Variants in MAP2K5 observed in about 807,000 individuals in gnomAD.
MAP2K5 encodes the protein mitogen-activated protein kinase kinase 5.
Under a neutral mutation model 83.1 loss-of-function variants are expected in MAP2K5, and 49 were observed. The observed-to-expected ratio is 0.59, with a 90% confidence interval of 0.47 to 0.75. MAP2K5 has a LOEUF of 0.75. Among genes scored for constraint, MAP2K5 ranks in the 30% least tolerant of loss-of-function variants. The probability of loss-of-function intolerance (pLI) is 0.00; values close to 1 mark genes in which losing one functional copy is unlikely to be tolerated. For missense variants in MAP2K5, 457 were observed against 557.5 expected, an observed-to-expected ratio of 0.82 and a Z score of 1.82; for synonymous variants, 202 against 191.8, an observed-to-expected ratio of 1.05 and a Z score of -0.44.
rs2089668258 is a variant in MAP2K5 at position 67,749,169 on chromosome 15, G to A, written c.1134+568G>A. On this transcript the variant is annotated intron_variant, in intron 19 of 21. Transcript: ENST00000178640. The surrounding 1 kb of genome is among the most constrained non-coding windows in gnomAD (Gnocchi z 4.6). ...ACCTGTATTCTCACATTTTAATTGA[G>A]CTTACTTCTGATCATCCTTATCCAT... is the stretch of plus-strand genomic sequence containing the variant. Among the ~76,000 whole-genome samples, 1 of 152,150 alleles carries A rather than the reference G, an allele frequency of 6.6e-6. No homozygotes were observed. The highest frequency in any genetic ancestry group is 6.5e-5 in the Admixed American group (1 of 15,274).
intron 19 of MAP2K5, among the ~76,000 whole-genome samples, chr15:67,763,734 T>A (rs1044378445): frequency 6.6e-6 from 1 of 152,134 alleles, no homozygotes; most frequent in African/African-American, 2.4e-5. Flanking sequence ...ATAAAGATGC[T>A]ACTCTAAGGC....
chr15:67,573,617 G>T lies in MAP2K5; in HGVS notation c.253-7137G>T, dbSNP rs1315105255. Among the ~76,000 whole-genome samples, 1 of 152,030 alleles carries T rather than the reference G, an allele frequency of 6.6e-6. No homozygotes were observed. Reference sequence around the variant, plus strand: ...TAGAAGCTGGGTAAAATGAGGCTGCGACCTGCTGGGCCGCAGCCCCAGGAA... The same window carrying T: ...TAGAAGCTGGGTAAAATGAGGCTGCTACCTGCTGGGCCGCAGCCCCAGGAA... On this transcript the variant is annotated intron_variant, in intron 3 of 21. Transcript: ENST00000178640. This position sits in a 1 kb window ranked among gnomAD's most constrained non-coding sequence, Gnocchi z 4.2.
In MAP2K5 at chr15:67,717,068, T is replaced by C. The variant is rs2088844078; in HGVS notation, c.1045-10848T>C. Among the ~76,000 whole-genome samples the C allele has an allele frequency of 6.6e-6, 1 of 152,224 alleles. No homozygotes were observed. Among genetic ancestry groups the C allele is most frequent in the African/African-American group, 2.4e-5 (1 of 41,458 alleles). ...GGATTCAAGTCTGCTTCTTCCATTA[T>C]GCTTTAGGAAAGTAGATCAAGTAGT... is the stretch of plus-strand genomic sequence containing the variant. On this transcript the variant is annotated intron_variant, in intron 16 of 21. Transcript: ENST00000178640. This position sits in a 1 kb window ranked among gnomAD's most constrained non-coding sequence, Gnocchi z 4.1.
In MAP2K5 at chr15:67,563,649, G is replaced by A. The variant is rs751754199; in HGVS notation, c.252+299G>A. ...TTTTTTATGCAGTACTTAAAGTAAC[G>A]GCTCATTAAAAATGAACCCCTGGGC... On this transcript the variant is annotated intron_variant, in intron 3 of 21. Coordinates refer to ENST00000178640, the MANE Select transcript of MAP2K5 (RefSeq NM_145160.3). This position sits in a 1 kb window ranked among gnomAD's most constrained non-coding sequence, Gnocchi z 4.5. Among the ~76,000 whole-genome samples the A allele has an allele frequency of 6.6e-6, 1 of 151,634 alleles. No homozygotes were observed. Among genetic ancestry groups the A allele is most frequent in the Non-Finnish European group, 1.5e-5 (1 of 67,920 alleles).
intron 21 of MAP2K5, among the ~76,000 whole-genome samples, chr15:67,796,839 A>G (rs2090613365): frequency 6.6e-6 from 1 of 152,252 alleles, no homozygotes; most frequent in Non-Finnish European, 1.5e-5. Flanking sequence ...TAGGGTGTCC[A>G]GACTGATCTG....
At chr15:67,670,446 G>A (rs1192857849) in intron 13 of MAP2K5, 1 of 455,760 alleles carries the variant, frequency 2.2e-6, no homozygotes, top group South Asian at 1.6e-5. Context: ...CACCTGAAAA[G>A]GGTGAGTGAA....
chr15:67,580,082 C>T (rs1427568298), intron 3 of MAP2K5, among the ~76,000 whole-genome samples: 1 of 152,170 alleles, frequency 6.6e-6, no homozygotes, highest in African/African-American at 2.4e-5. Context: ...GTACCACCTA[C>T]TGAATAATTT....
At chr15:67,557,023 T>A (rs1023122376) in intron 2 of MAP2K5, among the ~76,000 whole-genome samples, 1 of 152,220 alleles carries the variant, frequency 6.6e-6, no homozygotes, top group Non-Finnish European at 1.5e-5. Context: ...TCCATAACCA[T>A]AAAAAATCCT....
Position 67,755,998 on chromosome 15 carries a change from G to A in MAP2K5, c.1134+7397G>A, listed in dbSNP as rs977513715. 2.0e-5 allele frequency among the ~76,000 whole-genome samples: 3 copies of A among 152,032 alleles called. No homozygotes were observed. The highest frequency in any genetic ancestry group is 4.4e-5 in the Non-Finnish European group (3 of 68,010). The stretch of plus-strand genomic sequence containing the variant: ...CCCACATCCTCACTGTGGCATTCCC[G>A]TTGATCCCCATTTTTCAGCTACAAA... On this transcript the variant is annotated intron_variant, in intron 19 of 21. Coordinates refer to ENST00000178640, the MANE Select transcript of MAP2K5 (RefSeq NM_145160.3). The surrounding 1 kb of genome is among the most constrained non-coding windows in gnomAD (Gnocchi z 4.7).
At chr15:67,580,079 C>T (rs2085148087) in intron 3 of MAP2K5, among the ~76,000 whole-genome samples, 1 of 152,172 alleles carries the variant, frequency 6.6e-6, no homozygotes, top group Admixed American at 6.5e-5. Flanking sequence ...ACAGTACCAC[C>T]TACTGAATAA....
In MAP2K5 at chr15:67,555,482, A is replaced by G. The variant is rs577650927; in HGVS notation, c.184+5400A>G. Among the ~76,000 whole-genome samples the G allele has an allele frequency of 5.9e-5, 9 of 152,262 alleles. 1 individual carries two copies. The South Asian group carries it at 1.9e-3, about 32-fold the overall frequency. On this transcript the variant is annotated intron_variant, in intron 2 of 21. Coordinates refer to ENST00000178640, the MANE Select transcript of MAP2K5 (RefSeq NM_145160.3). The surrounding 1 kb of genome is among the most constrained non-coding windows in gnomAD (Gnocchi z 5.2). The stretch of plus-strand genomic sequence containing the variant: ...AAATATTCAAACCATATCATTGTGG[A>G]AATAAATTTGTAAGATAAATTCTTA...
intron 13 of MAP2K5, among the ~76,000 whole-genome samples, chr15:67,673,743 T>C (rs1567352133): frequency 6.7e-6 from 1 of 149,952 alleles, no homozygotes; most frequent in Non-Finnish European, 1.5e-5. Context: ...TGTAACAATC[T>C]GTTTTTTTGC....
At chr15:67,718,427 G>A (rs774818704) in intron 16 of MAP2K5, among the ~76,000 whole-genome samples, 6 of 152,196 alleles carry the variant, frequency 3.9e-5, no homozygotes, top group East Asian at 1.9e-4. Context: ...AAGTAAACAC[G>A]TGAGATGGGG....
intron 15 of MAP2K5, among the ~76,000 whole-genome samples, chr15:67,694,043 C>A (rs905417637): frequency 3.3e-5 from 5 of 151,722 alleles, no homozygotes; most frequent in African/African-American, 1.2e-4. Flanking sequence ...TTCTATAGAA[C>A]TTGTACCTCT....
Position 67,746,682 on chromosome 15 carries a change from A to G in MAP2K5, c.1075-1549A>G, listed in dbSNP as rs2089612717. Among the ~76,000 whole-genome samples, 1 of 152,226 alleles carries G rather than the reference A, an allele frequency of 6.6e-6. No homozygotes were observed. Among genetic ancestry groups the G allele is most frequent in the Non-Finnish European group, 1.5e-5 (1 of 68,038 alleles). ...AAACCAGAAGAAGCAGTAATTCAGG[A>G]CAACATCAAGCAGGGACTATCAACA... is the stretch of plus-strand genomic sequence containing the variant. On this transcript the variant is annotated intron_variant, in intron 17 of 21. Coordinates refer to ENST00000178640, the MANE Select transcript of MAP2K5 (RefSeq NM_145160.3). The surrounding 1 kb of genome is among the most constrained non-coding windows in gnomAD (Gnocchi z 4.1).
intron 16 of MAP2K5, among the ~76,000 whole-genome samples, chr15:67,707,570 G>A (rs975736654): frequency 1.3e-5 from 2 of 152,084 alleles, no homozygotes; most frequent in Non-Finnish European, 2.9e-5. Flanking sequence ...CTGGAGAGTG[G>A]GGCACACAGA....
chr15:67,694,799 C>T (rs937683011), intron 15 of MAP2K5, among the ~76,000 whole-genome samples: 5 of 152,030 alleles, frequency 3.3e-5, no homozygotes, highest in African/African-American at 4.8e-5. Context: ...GCTATAAAGA[C>T]ACATGCACAC....
At chr15:67,630,013 G>A (rs1168856592) in intron 8 of MAP2K5, among the ~76,000 whole-genome samples, 1 of 152,180 alleles carries the variant, frequency 6.6e-6, no homozygotes, top group South Asian at 2.1e-4. Flanking sequence ...TGAGGTGGGA[G>A]CATCACTTGA....
rs1418475560 is a variant in MAP2K5, at chr15:67,676,273, A to C, written c.847+11628A>C. Among the ~76,000 whole-genome samples, 1 of 152,104 alleles carries C rather than the reference A, an allele frequency of 6.6e-6. No individual in the cohort carries two copies. Among genetic ancestry groups the C allele is most frequent in the Non-Finnish European group, 1.5e-5 (1 of 68,028 alleles). On this transcript the variant is annotated intron_variant, in intron 13 of 21. Transcript: ENST00000178640. This position sits in a 1 kb window ranked among gnomAD's most constrained non-coding sequence, Gnocchi z 4.8. ...ACAGGGTCATTTCTGTTGGTAGAGG[A>C]GTTTATGGCATTGATTGTATGCCAG...
Sources: allele counts gnomAD v4.1 joint callset (sites outside exome capture counted in the v4.1 genomes callset), GRCh38; gene constraint gnomAD v4.1.1; non-coding constraint Gnocchi (gnomAD v3.1); transcripts MANE v1.5; gene names NCBI Gene and HGNC (gene_info 2026-07-23, HGNC 2026-07-21).